The following PLCB3 variants were observed in gnomAD, a reference collection of about 807,000 sequenced individuals.
PLCB3 encodes the protein phospholipase C beta 3.
In PLCB3, 54 loss-of-function variants were observed where a neutral mutation model predicts 152.1. The ratio of observed to expected loss-of-function variants is 0.36; its 90% CI spans 0.29 to 0.45. The LOEUF is 0.45. PLCB3 is among the 20% of genes least tolerant of loss of function. PLCB3 has a pLI of 1.00. For synonymous variants in PLCB3, 717 were observed against 698.7 expected, an observed-to-expected ratio of 1.03 and a Z score of -0.41; for missense variants, 1,248 against 1,687.5, an observed-to-expected ratio of 0.74 and a Z score of 4.56.
At position 64,258,949 on chromosome 11, in the gene PLCB3, G is replaced by A. The variant is rs781098247; in HGVS notation, c.1318G>A (p.Glu440Lys). The change falls in exon 12 of 31, where the codon GAG becomes AAG. Residue 440 changes from glutamate to lysine, a missense_variant. Transcript: ENST00000279230. The surrounding 1 kb of genome is among the most constrained non-coding windows in gnomAD (Gnocchi z 7.2). ...CATCTTTGGAGACGCGCTACTCATC[G>A]AGCCTCTGGACAAGTACCCGGTACG... ...RSIFGDALLI[E>K]PLDKYPLAPG... 2.2e-5 allele frequency: 36 copies of A among 1,613,838 alleles called. No homozygotes were observed. The South Asian group carries it at 2.4e-4, about 11-fold the overall frequency.
chr11:64,252,462 C>T (rs146875335), intron 1 of PLCB3, among the ~76,000 whole-genome samples: 2 of 152,330 alleles, frequency 1.3e-5, no homozygotes, highest in Non-Finnish European at 2.9e-5. Flanking sequence ...CCTTCGGCTG[C>T]CCATCCCCAT....
chr11:64,251,762 C>A lies in PLCB3; in HGVS notation c.99+14C>A. On this transcript the variant is annotated intron_variant, in intron 1 of 30. Coordinates refer to ENST00000279230, the MANE Select transcript of PLCB3 (RefSeq NM_000932.5). Reference sequence around the variant, plus strand: ...AAATGGGACGAGGTAAGCGCGCGGGCCCCTGCTCCGCCCAAATCCCGGGAC... The same window carrying A: ...AAATGGGACGAGGTAAGCGCGCGGGACCCTGCTCCGCCCAAATCCCGGGAC... 1 of 1,382,126 alleles carries A rather than the reference C, an allele frequency of 7.2e-7. No individual in the cohort carries two copies. The highest frequency in any genetic ancestry group is 9.6e-7 in the Non-Finnish European group (1 of 1,045,114). The allele number at this position is 1,382,126 out of a possible 1,614,324, so 85.6% of individuals were successfully genotyped here. A position where few individuals can be genotyped will look rare whatever the true frequency, so the allele number is the denominator to read the frequency against.
In PLCB3 at chr11:64,260,070, G is replaced by A. The variant is rs1387879432; in HGVS notation, c.1567G>A (p.Glu523Lys). 7 of 1,612,172 alleles carry A rather than the reference G, an allele frequency of 4.3e-6. No individual in the cohort carries two copies. Among genetic ancestry groups the A allele is most frequent in the African/African-American group, 1.3e-5 (1 of 74,926 alleles). ...CAGCTGCCCAGGCCTGAGCAATGGGGAGGAGGTAGGGCTTGAGAAGCCCAG... is the reference window on the plus strand; with the variant it reads ...CAGCTGCCCAGGCCTGAGCAATGGGAAGGAGGTAGGGCTTGAGAAGCCCAG... Reference protein sequence around the residue: ...SDSCPGLSNGEEVGLEKPSLE... With the variant: ...SDSCPGLSNGKEVGLEKPSLE... Residue 523 changes from glutamate (E) to lysine (K), a missense_variant, in exon 14 of 31, where the codon GAG (glutamate) becomes AAG (lysine). Coordinates refer to ENST00000279230, the MANE Select transcript of PLCB3 (RefSeq NM_000932.5).
rs1191194287 is a variant in PLCB3, at chr11:64,265,019, C to T, written c.2721C>T (p.Asn907=). Residue 907 remains asparagine (N), a synonymous_variant, in exon 23 of 31, where the codon AAC becomes AAT. Coordinates refer to ENST00000279230, the MANE Select transcript of PLCB3 (RefSeq NM_000932.5). The part of the protein sequence containing the change: ...SQQLGSQPSS[N]PTPSPLDASP... ...AGCTGGGGTCTCAGCCGTCCTCAAA[C>T]CCCACCCCCAGCCCACTGGATGCCT... is the stretch of plus-strand genomic sequence containing the variant. 6.2e-7 allele frequency: 1 copy of T among 1,604,774 alleles called. No individual in the cohort carries two copies. Among genetic ancestry groups the T allele is most frequent in the Admixed American group, 1.7e-5 (1 of 59,632 alleles).
At chr11:64,269,079 C>CGG (rs2032294455), downstream of PLCB3, 1 of 152,442 alleles carries the variant, frequency 6.6e-6, no homozygotes, top group African/African-American at 2.4e-5. Flanking sequence ...GGACACACTC[C>CGG]AAGTCAGTTC....
rs1304531766 is a variant in PLCB3, at chr11:64,267,373, G to T, written c.3522G>T (p.Gln1174His). Residue 1174 changes from glutamine (Q) to histidine (H), a missense_variant, in exon 31 of 31, where the codon CAG becomes CAT. Physicochemically the swap from Gln to His is conservative, Grantham distance 24 (BLOSUM62 0). Around this residue, in one of 6 missense-constraint regions of PLCB3, gnomAD observed 477 missense variants for 489.6 expected, o/e 0.97. Transcript: ENST00000279230. The surrounding 1 kb of genome is among the most constrained non-coding windows in gnomAD (Gnocchi z 5.2). ...EEPKLLAQLA[Q>H]ECQEQRARLP... is the part of the protein sequence containing the mutation. ...CACAGCTGCTGGCCCAGCTGGCCCA[G>T]GAGTGTCAGGAGCAGCGGGCGAGGC... 1 of 1,545,766 alleles carries T rather than the reference G, an allele frequency of 6.5e-7. No individual in the cohort carries two copies. Among genetic ancestry groups the T allele is most frequent in the Non-Finnish European group, 8.7e-7 (1 of 1,143,638 alleles).
At position 64,255,614 on chromosome 11, in the gene PLCB3, C is replaced by T. The variant is rs1400937484; in HGVS notation, c.595C>T (p.Arg199Trp). 2.4e-5 allele frequency: 14 copies of T among 573,278 alleles called. No homozygotes were observed. Among genetic ancestry groups the T allele is most frequent in the African/African-American group, 4.1e-5 (2 of 48,976 alleles). 35.5% of individuals were successfully genotyped at this position (573,278 alleles called of 1,614,324 possible). A position where few individuals can be genotyped will look rare whatever the true frequency, so the allele number is the denominator to read the frequency against. Residue 199 changes from arginine (R) to tryptophan (W), a missense_variant and splice_region_variant, in exon 7 of 31, where the codon CGG becomes TGG. Coordinates refer to ENST00000279230, the MANE Select transcript of PLCB3 (RefSeq NM_000932.5). This position sits in a 1 kb window ranked among gnomAD's most constrained non-coding sequence, Gnocchi z 6.8. ...ALESCGLKFN[R>W]SESIRPDEFS... ...GGAATCCTGTGGCCTCAAATTCAAC[C>T]GGGTGTGTGGGGTGGGGACAGGGGC...
chr11:64,266,673 G>A lies in PLCB3; in HGVS notation c.3414+121G>A. ...GGTTCTTCTAGGGCCTTTCTCAAGT[G>A]CCCAACAGCCCCAGGGTACCCACAT... On this transcript the variant is annotated intron_variant, in intron 29 of 30. Transcript: ENST00000279230. This position sits in a 1 kb window ranked among gnomAD's most constrained non-coding sequence, Gnocchi z 4.9. 1.1e-6 allele frequency: 1 copy of A among 907,066 alleles called. No individual in the cohort carries two copies. Among genetic ancestry groups the A allele is most frequent in the Non-Finnish European group, 1.8e-6 (1 of 562,908 alleles). 56.2% of individuals were successfully genotyped at this position (907,066 alleles called of 1,614,324 possible).
At chr11:64,252,531 C>G (rs914007080) in intron 1 of PLCB3, among the ~76,000 whole-genome samples, 5 of 152,232 alleles carry the variant, frequency 3.3e-5, no homozygotes, top group Non-Finnish European at 5.9e-5. Flanking sequence ...TCCACCCGGC[C>G]GGCCTGAGCT....
In PLCB3 at chr11:64,262,024, G is replaced by C. The variant is rs540587716; in HGVS notation, c.1986G>C (p.Gln662His). 1.1e-5 allele frequency: 17 copies of C among 1,614,196 alleles called. No individual in the cohort carries two copies. In the South Asian group the frequency reaches 1.6e-4, roughly 16 times the overall value. Residue 662 changes from glutamine to histidine, a missense_variant, in exon 17 of 31, where the codon CAG (glutamine) becomes CAC (histidine). By Grantham distance (24) the Gln-to-His change is conservative. Around this residue, in one of 6 missense-constraint regions of PLCB3, gnomAD observed 244 missense variants for 424.4 expected, o/e 0.57. Transcript: ENST00000279230. ...TRVDSSNYMP[Q>H]LFWNVGCQLV... ...TGGACTCCTCCAACTACATGCCCCAGCTCTTCTGGAACGTAGGGTGCCAGC... is the reference window on the plus strand; with the variant it reads ...TGGACTCCTCCAACTACATGCCCCACCTCTTCTGGAACGTAGGGTGCCAGC...
intron 1 of PLCB3, among the ~76,000 whole-genome samples, chr11:64,253,459 A>T (rs1429592191): frequency 6.6e-6 from 1 of 152,168 alleles, no homozygotes; most frequent in Non-Finnish European, 1.5e-5. Flanking sequence ...CGGTGTGCGT[A>T]TATGAGATGT....
Position 64,254,532 on chromosome 11 carries a change from C to T in PLCB3, c.177+40C>T. On this transcript the variant is annotated intron_variant, in intron 2 of 30. Coordinates refer to ENST00000279230, the MANE Select transcript of PLCB3 (RefSeq NM_000932.5). ...TGGTGCAGCTCGCTCAGGCCAAGGA[C>T]CCCTGTCCCAGACCCCTGCCCTGCC... 3 of 1,587,090 alleles carry T rather than the reference C, an allele frequency of 1.9e-6. 1 individual carries two copies. The South Asian group carries it at 3.3e-5, about 18-fold the overall frequency.
chr11:64,262,549 C>T lies in PLCB3; in HGVS notation c.2181C>T (p.Ala727=). The T allele has an allele frequency of 6.2e-7, 1 of 1,613,798 alleles. No homozygotes were observed. Among genetic ancestry groups the T allele is most frequent in the Non-Finnish European group, 8.5e-7 (1 of 1,179,868 alleles). ...EVIVDGIVAN[A]LRVKVISGQF... Reference sequence around the variant, plus strand: ...TCGTGGATGGCATCGTGGCCAATGCCTTGCGGGTCAAGGTGGGGCTTGCGG... The same window carrying T: ...TCGTGGATGGCATCGTGGCCAATGCTTTGCGGGTCAAGGTGGGGCTTGCGG... Residue 727 remains alanine (A), a synonymous_variant, in exon 18 of 31, where the codon GCC becomes GCT. Transcript: ENST00000279230.
intron 13 of PLCB3, among the ~76,000 whole-genome samples, 178 bp from the exon 14 acceptor site, chr11:64,259,851 T>TA (rs1336583530): frequency 6.6e-6 from 1 of 152,120 alleles, no homozygotes. Context: ...TCTCAACCCA[T>TA]ACTGGGTTAA....
At position 64,258,803 on chromosome 11, in the gene PLCB3, G is replaced by T; in HGVS notation, c.1254-82G>T. ...GGACTGCTCAGGGACCTCCAACCCTGCGAACGGCCACTGACATGTCCCGTA... is the reference window on the plus strand; with the variant it reads ...GGACTGCTCAGGGACCTCCAACCCTTCGAACGGCCACTGACATGTCCCGTA... On this transcript the variant is annotated intron_variant, in intron 11 of 30. Coordinates refer to ENST00000279230, the MANE Select transcript of PLCB3 (RefSeq NM_000932.5). The surrounding 1 kb of genome is among the most constrained non-coding windows in gnomAD (Gnocchi z 7.2). 6.2e-7 allele frequency: 1 copy of T among 1,603,602 alleles called. No homozygotes were observed. Among genetic ancestry groups the T allele is most frequent in the Non-Finnish European group, 8.5e-7 (1 of 1,171,238 alleles).
At chr11:64,264,211 A>T in intron 22 of PLCB3, 99 bp downstream of exon 22, 1 of 754,500 alleles carries the variant, frequency 1.3e-6, no homozygotes, top group East Asian at 2.8e-5. Flanking sequence ...TGGTCTCTCT[A>T]GCGCAGTAGG....
chr11:64,266,650 T>C lies in PLCB3; in HGVS notation c.3414+98T>C. ...GCCTGGTGCCACGTTGCCCTCAAGG[T>C]TCTTCTAGGGCCTTTCTCAAGTGCC... is the stretch of plus-strand genomic sequence containing the variant. On this transcript the variant is annotated intron_variant, in intron 29 of 30. Transcript: ENST00000279230. This position sits in a 1 kb window ranked among gnomAD's most constrained non-coding sequence, Gnocchi z 4.9. 8.5e-7 allele frequency: 1 copy of C among 1,180,248 alleles called. No individual in the cohort carries two copies. The highest frequency in any genetic ancestry group is 1.3e-6 in the Non-Finnish European group (1 of 793,422). The allele number at this position is 1,180,248 out of a possible 1,614,324, so 73.1% of individuals were successfully genotyped here.
chr11:64,260,270 C>T, intron 14 of PLCB3, 36 bp downstream of exon 14: 1 of 1,442,210 alleles, frequency 6.9e-7, no homozygotes. Flanking sequence ...GGGGAGGTAG[C>T]ATCTATTTAC....
Position 64,258,812 on chromosome 11 carries a change from C to T in PLCB3, c.1254-73C>T. The T allele has an allele frequency of 6.2e-7, 1 of 1,603,070 alleles. No homozygotes were observed. Among genetic ancestry groups the T allele is most frequent in the Non-Finnish European group, 8.5e-7 (1 of 1,170,464 alleles). On this transcript the variant is annotated intron_variant, in intron 11 of 30. Transcript: ENST00000279230. The surrounding 1 kb of genome is among the most constrained non-coding windows in gnomAD (Gnocchi z 7.2). ...AGGGACCTCCAACCCTGCGAACGGCCACTGACATGTCCCGTAGACCTCAGC... is the reference window on the plus strand; with the variant it reads ...AGGGACCTCCAACCCTGCGAACGGCTACTGACATGTCCCGTAGACCTCAGC...
Sources: gnomAD v4.1 joint callset for allele counts (sites outside exome capture counted in the v4.1 genomes callset) on GRCh38, gnomAD v4.1.1 for gene constraint, gnomAD v4.1.1 regional missense constraint, Gnocchi (gnomAD v3.1) non-coding constraint, MANE v1.5 for transcripts, NCBI Gene and HGNC (gene_info 2026-07-23, HGNC 2026-07-21) for gene names.